Variants in CRACDL observed in about 807,000 individuals in gnomAD.
CRACDL encodes CRACD-like protein.
Under a neutral mutation model 70.6 loss-of-function variants are expected in CRACDL, and 26 were observed. The ratio of observed to expected loss-of-function variants is 0.37; its 90% confidence interval spans 0.27 to 0.51. The LOEUF is 0.51. Ranked by LOEUF, CRACDL falls within the 20% of genes least tolerant of loss-of-function variation. The pLI, the probability that CRACDL is intolerant of heterozygous loss-of-function variation, is 0.94. For missense variants in CRACDL, 1,283 were observed against 1,376.9 expected, an observed-to-expected ratio of 0.93 and a Z score of 1.08; for synonymous variants, 618 against 615.2, an observed-to-expected ratio of 1.00 and a Z score of -0.07.
At chr2:98,836,183 C>T (rs1705771788) in intron 3 of CRACDL, among the ~76,000 whole-genome samples, 1 of 152,188 alleles carries the variant, frequency 6.6e-6, no homozygotes, top group Non-Finnish European at 1.5e-5. Flanking sequence ...AGCACAACCG[C>T]ACAGACACAG....
At chr2:98,795,077 A>ATATATATATTTTTTTTTT in intron 9 of CRACDL, among the ~76,000 whole-genome samples, 18 of 58,472 alleles carry the variant, frequency 3.1e-4, no homozygotes, top group Non-Finnish European at 4.1e-4. Context: ...ATATATATAT[A>ATATATATATTTTTTTTTT]TTTTTTTTTT....
intron 5 of CRACDL, among the ~76,000 whole-genome samples, chr2:98,828,815 G>T (rs1434139699): frequency 6.6e-6 from 1 of 152,156 alleles, no homozygotes. Flanking sequence ...AAAATAAGCC[G>T]CAAGTCTCCT....
At chr2:98,904,516 G>A (rs866028483) in intron 1 of CRACDL, among the ~76,000 whole-genome samples, 8 of 152,314 alleles carry the variant, frequency 5.3e-5, no homozygotes, top group East Asian at 1.9e-4. Context: ...AGATGAAGAC[G>A]TCATTTTTTC....
Position 98,794,642 on chromosome 2 carries a change from G to A in CRACDL, c.2779C>T (p.Leu927=). ...AQSAVMMEKE[L]HQLKRASYAS... ...TAACTGGCTCTCTTCAGCTGATGCA[G>A]TTCCTTCTCCATCATCACTGCAGAC... is the stretch of plus-strand genomic sequence containing the variant. Residue 927 remains leucine (L), a synonymous_variant, in exon 10 of 10, where the codon CTG becomes TTG. Coordinates refer to ENST00000397899, the MANE Select transcript of CRACDL (RefSeq NM_207362.3). The A allele has an allele frequency of 6.2e-7, 1 of 1,613,808 alleles. No individual in the cohort carries two copies. The highest frequency in any genetic ancestry group is 8.5e-7 in the Non-Finnish European group (1 of 1,179,738).
At chr2:98,888,300 A>G (rs1707849662) in intron 1 of CRACDL, among the ~76,000 whole-genome samples, 2 of 152,246 alleles carry the variant, frequency 1.3e-5, no homozygotes, top group African/African-American at 4.8e-5. Context: ...TTAAAAGACG[A>G]CTGTGGAAAG....
At chr2:98,924,702 C>T (rs952063511) in intron 1 of CRACDL, among the ~76,000 whole-genome samples, 1 of 152,294 alleles carries the variant, frequency 6.6e-6, no homozygotes, top group African/African-American at 2.4e-5. Context: ...AGGCATGGCC[C>T]ACCTCCTTCC....
At chr2:98,933,327 C>T (rs1044668060) in intron 1 of CRACDL, among the ~76,000 whole-genome samples, 2 of 152,176 alleles carry the variant, frequency 1.3e-5, no homozygotes, top group African/African-American at 2.4e-5. Flanking sequence ...CCAGGGGTGA[C>T]TTGTAGCGAA....
Position 98,822,173 on chromosome 2 carries a change from A to G in CRACDL, c.2100T>C (p.Ser700=), listed in dbSNP as rs773973217. Residue 700 remains serine, a synonymous_variant, in exon 7 of 10, where the codon TCT becomes TCC. Coordinates refer to ENST00000397899, the MANE Select transcript of CRACDL (RefSeq NM_207362.3). This position sits in a 1 kb window ranked among gnomAD's most constrained non-coding sequence, Gnocchi z 4.9. ...ACCTCTTCACACCCTTCACCTCCTG[A>G]GAGGCGCCATCCCTGTATTTGAGCG... ...SLSLKYRDGA[S]QEVKGVKRYS... 20 of 1,610,780 alleles carry G rather than the reference A, an allele frequency of 1.2e-5. No homozygotes were observed. The highest frequency in any genetic ancestry group is 1.7e-5 in the Non-Finnish European group (20 of 1,178,830).
intron 1 of CRACDL, among the ~76,000 whole-genome samples, chr2:98,867,991 C>T (rs535732161): frequency 6.6e-6 from 1 of 152,280 alleles, no homozygotes; most frequent in East Asian, 1.9e-4. Flanking sequence ...GGAAATAATG[C>T]TCCGAAGCCT....
Position 98,827,228 on chromosome 2 carries a change from G to A in CRACDL, c.541-59C>T, listed in dbSNP as rs1041782837. The A allele has an allele frequency of 2.0e-5, 25 of 1,220,046 alleles. No individual in the cohort carries two copies. The African/African-American group carries it at 3.1e-4, about 15-fold the overall frequency. The allele number at this position is 1,220,046 out of a possible 1,614,324, so 75.6% of individuals were successfully genotyped here. On this transcript the variant is annotated intron_variant, in intron 5 of 9. Transcript: ENST00000397899. ...GAACTTCACCGTGTGAAATAAGGACGACCAACGCAACAATGCTCTTTTCTG... is the reference window on the plus strand; with the variant it reads ...GAACTTCACCGTGTGAAATAAGGACAACCAACGCAACAATGCTCTTTTCTG...
At chr2:98,931,990 C>G (rs1198085470) in intron 1 of CRACDL, among the ~76,000 whole-genome samples, 2 of 152,198 alleles carry the variant, frequency 1.3e-5, no homozygotes, top group Admixed American at 6.5e-5. Context: ...ATAAATGTGT[C>G]TTAAGGACTC....
intron 5 of CRACDL, among the ~76,000 whole-genome samples, chr2:98,828,538 G>A (rs997858787): frequency 2.6e-5 from 4 of 152,168 alleles, no homozygotes; most frequent in African/African-American, 9.7e-5. Flanking sequence ...ACACAGAGCA[G>A]GTGCCCAGCA....
In CRACDL at chr2:98,795,077, ATT is replaced by A. The variant is rs1181969802; in HGVS notation, c.2750-408_2750-407del. ...TATATATATATATATATATATATAT[ATT>A]TTTTTTTTTTTTTGAGACAGAAGTC... is the stretch of plus-strand genomic sequence containing the variant. On this transcript the variant is annotated intron_variant, in intron 9 of 9. Transcript: ENST00000397899. Among the ~76,000 whole-genome samples, 272 of 58,490 alleles carry A rather than the reference ATT, an allele frequency of 4.7e-3. 31 individuals carry two copies. The highest frequency in any genetic ancestry group is 0.016 in the African/African-American group (236 of 15,096). The allele number at this position is 58,490 out of a possible 152,430, so 38.4% of individuals were successfully genotyped here.
chr2:98,817,368 C>A (rs1430742825), intron 7 of CRACDL, among the ~76,000 whole-genome samples: 1 of 152,026 alleles, frequency 6.6e-6, no homozygotes, highest in Non-Finnish European at 1.5e-5. Flanking sequence ...GTTCATATCA[C>A]AATAAAATGA....
At chr2:98,895,862 G>C (rs371359837) in intron 1 of CRACDL, among the ~76,000 whole-genome samples, 20 of 152,184 alleles carry the variant, frequency 1.3e-4, no homozygotes, top group African/African-American at 4.3e-4. Context: ...CATGGGGCTG[G>C]GGCCTTCATG....
At chr2:98,850,771 G>A (rs1706449936) in intron 1 of CRACDL, among the ~76,000 whole-genome samples, 1 of 152,158 alleles carries the variant, frequency 6.6e-6, no homozygotes, top group Admixed American at 6.5e-5. Flanking sequence ...AGAATCCAAG[G>A]GAGTCCTGCA....
At chr2:98,831,465 C>T (rs758885032) in intron 5 of CRACDL, among the ~76,000 whole-genome samples, 2 of 152,188 alleles carry the variant, frequency 1.3e-5, no homozygotes, top group Non-Finnish European at 2.9e-5. Context: ...GCCCCTCGAG[C>T]AGGCCAGAGG....
intron 1 of CRACDL, among the ~76,000 whole-genome samples, chr2:98,859,783 A>G (rs1467232818): frequency 6.6e-6 from 1 of 152,226 alleles, no homozygotes; most frequent in Non-Finnish European, 1.5e-5. Context: ...CTGATAATCA[A>G]CTTTGTACTG....
intron 9 of CRACDL, among the ~76,000 whole-genome samples, chr2:98,795,432 T>C (rs536572926): frequency 2.0e-5 from 3 of 152,108 alleles, no homozygotes; most frequent in Non-Finnish European, 4.4e-5. Flanking sequence ...GAAGATGCTA[T>C]GCTCAGTGAA....
Sources: allele counts gnomAD v4.1 joint callset (sites outside exome capture counted in the v4.1 genomes callset), GRCh38; gene constraint gnomAD v4.1.1; non-coding constraint Gnocchi (gnomAD v3.1); transcripts MANE v1.5; gene names NCBI Gene and HGNC (gene_info 2026-07-23, HGNC 2026-07-21).